Variants in ST18 observed in about 807,000 individuals in gnomAD.
ST18 encodes the protein ST18 C2H2C-type zinc finger transcription factor.
A neutral mutation model predicts 110.0 loss-of-function variants in ST18; 50 were observed. The ratio of observed to expected loss-of-function variants is 0.45; its 90% CI spans 0.36 to 0.58. ST18 has a LOEUF of 0.58. Among genes scored for constraint, ST18 ranks in the 20% least tolerant of loss-of-function variants. The pLI is 0.00. For missense variants in ST18, 1,306 were observed against 1,280.1 expected, an observed-to-expected ratio of 1.02 and a Z score of -0.31; for synonymous variants, 461 against 452.4, an observed-to-expected ratio of 1.02 and a Z score of -0.24.
chr8:52,190,963 T>C (rs1420497397), intron 8 of ST18, among the ~76,000 whole-genome samples: 1 of 152,158 alleles, frequency 6.6e-6, no homozygotes, highest in Non-Finnish European at 1.5e-5. Context: ...AAGGACAAAT[T>C]ATTGCATCTC....
Position 52,379,463 on chromosome 8 carries a change from T to C in ST18, c.-465+29865A>G, listed in dbSNP as rs117331223. Reference sequence around the variant, plus strand: ...TAACTATTTCCTATGCACCGTGAAGTACAGTTGACCTTTGAACAACACAGT... The same window carrying C: ...TAACTATTTCCTATGCACCGTGAAGCACAGTTGACCTTTGAACAACACAGT... On this transcript the variant is annotated intron_variant, in intron 2 of 25. Transcript: ENST00000689386. Among the ~76,000 whole-genome samples, 40 of 152,214 alleles carry C rather than the reference T, an allele frequency of 2.6e-4. 1 individual carries two copies. In the East Asian group the frequency reaches 6.6e-3, roughly 25 times the overall value.
rs775413941 is a variant in ST18 at position 52,133,131 on chromosome 8, G to A, written c.2370C>T (p.Ser790=). Residue 790 remains serine (S), a synonymous_variant, in exon 21 of 26, where the codon TCC becomes TCT. Transcript: ENST00000689386. ...TGNYASHRSL[S]GCPRARKGGV... ...CACCTTTCCTTGCACGAGGGCATCC[G>A]GACAAGCTGAAATAGGGACCCGACA... The A allele has an allele frequency of 2.9e-5, 46 of 1,613,930 alleles. No homozygotes were observed. The highest frequency in any genetic ancestry group is 2.5e-4 in the Admixed American group (15 of 59,984).
chr8:52,181,259 G>T (rs1231732729), intron 8 of ST18, among the ~76,000 whole-genome samples: 3 of 152,126 alleles, frequency 2.0e-5, no homozygotes, highest in Admixed American at 2.0e-4. Context: ...CAGAGTAAAA[G>T]GATATGACTT....
At chr8:52,133,205 C>T (rs369565375) in intron 20 of ST18, 34 bp downstream of exon 20, 5 of 1,614,160 alleles carry the variant, frequency 3.1e-6, no homozygotes, top group Non-Finnish European at 3.4e-6. Flanking sequence ...CCGACAAGCT[C>T]ATTTCCACAT....
rs183100768 is a variant in ST18, at chr8:52,302,361, A to G, written c.-464-72284T>C. 4.6e-5 allele frequency among the ~76,000 whole-genome samples: 7 copies of G among 152,370 alleles called. No individual in the cohort carries two copies. The East Asian group carries it at 1.3e-3, about 29-fold the overall frequency. ...TAAGTACATGGTTTTCAATAAGTAT[A>G]TAAATTGATAGATGTAGAAATAAAT... On this transcript the variant is annotated intron_variant, in intron 2 of 25. Transcript: ENST00000689386.
At chr8:52,295,569 T>C (rs1257912815) in intron 2 of ST18, among the ~76,000 whole-genome samples, 1 of 152,030 alleles carries the variant, frequency 6.6e-6, no homozygotes, top group East Asian at 1.9e-4. Context: ...AATTTCATTT[T>C]CTCTCTCTCT....
chr8:52,154,198 G>T (rs1259660326), intron 15 of ST18, among the ~76,000 whole-genome samples: 1 of 152,176 alleles, frequency 6.6e-6, no homozygotes, highest in African/African-American at 2.4e-5. Context: ...TGCTCTTAAA[G>T]TTACCAGAAA....
intron 2 of ST18, among the ~76,000 whole-genome samples, chr8:52,280,479 A>C (rs2095355416): frequency 6.6e-6 from 1 of 152,044 alleles, no homozygotes; most frequent in Non-Finnish European, 1.5e-5. Context: ...ATATGTGTAT[A>C]ATATACACCT....
chr8:52,290,260 G>A (rs1021439342), intron 2 of ST18, among the ~76,000 whole-genome samples: 8 of 152,150 alleles, frequency 5.3e-5, no homozygotes, highest in South Asian at 2.1e-4. Context: ...TCCTTGATAA[G>A]TATCCTTAGC....
intron 2 of ST18, among the ~76,000 whole-genome samples, chr8:52,350,133 G>T (rs1258596339): frequency 2.6e-5 from 4 of 152,142 alleles, no homozygotes; most frequent in Non-Finnish European, 4.4e-5. Flanking sequence ...AGCCATCCAG[G>T]TCTCCCAAGA....
intron 3 of ST18, among the ~76,000 whole-genome samples, chr8:52,222,813 A>G (rs2087449453): frequency 6.6e-6 from 1 of 152,214 alleles, no homozygotes; most frequent in South Asian, 2.1e-4. Flanking sequence ...ATGAGGGCTA[A>G]GGACTTACCA....
intron 2 of ST18, among the ~76,000 whole-genome samples, chr8:52,286,728 T>C (rs2095477272): frequency 6.6e-6 from 1 of 151,260 alleles, no homozygotes; most frequent in Admixed American, 6.6e-5. Context: ...TCATGCTCAT[T>C]GCACCAAGCC....
chr8:52,285,941 G>A (rs544777694), intron 2 of ST18, among the ~76,000 whole-genome samples: 1 of 152,258 alleles, frequency 6.6e-6, no homozygotes, highest in South Asian at 2.1e-4. Context: ...ATGTGGTCAA[G>A]CTTCTTAGTC....
intron 23 of ST18, among the ~76,000 whole-genome samples, chr8:52,124,747 C>G (rs1209644998): frequency 6.6e-6 from 1 of 152,062 alleles, no homozygotes; most frequent in Non-Finnish European, 1.5e-5. Flanking sequence ...TTCTCCTCTG[C>G]ATGTACACTC....
intron 2 of ST18, among the ~76,000 whole-genome samples, chr8:52,374,720 TC>T (rs1349472772): frequency 2.0e-5 from 3 of 152,110 alleles, no homozygotes; most frequent in Non-Finnish European, 4.4e-5. Context: ...TGTGTGTTAT[TC>T]CCCTCCCTGT....
intron 8 of ST18, among the ~76,000 whole-genome samples, chr8:52,203,583 GA>G (rs1460824140): frequency 6.6e-6 from 1 of 152,150 alleles, no homozygotes; most frequent in East Asian, 1.9e-4. Flanking sequence ...TGAGGTGTCA[GA>G]AACATTATGT....
At position 52,172,451 on chromosome 8, in the gene ST18, T is replaced by A; in HGVS notation, c.410A>T (p.Glu137Val). ...TACAGTCTGAACAGATACATTTTTT[T>A]CAAATTTCCCCAAGTGCATTAAAGA... The part of the protein sequence containing the change: ...VKSLMHLGKF[E>V]KNVSVQTVSE... Residue 137 changes from glutamate to valine, a missense_variant, in exon 10 of 26, where the codon GAA (glutamate) becomes GTA (valine). Coordinates refer to ENST00000689386, the MANE Select transcript of ST18 (RefSeq NM_001352837.2). 1.2e-6 allele frequency: 2 copies of A among 1,613,796 alleles called. No homozygotes were observed. The highest frequency in any genetic ancestry group is 1.7e-6 in the Non-Finnish European group (2 of 1,180,022).
intron 8 of ST18, among the ~76,000 whole-genome samples, chr8:52,203,568 A>T (rs1323897648): frequency 6.6e-6 from 1 of 152,038 alleles, no homozygotes; most frequent in Non-Finnish European, 1.5e-5. Context: ...CAGGAAAAAA[A>T]TTTATGAGGT....
Position 52,134,614 on chromosome 8 carries a change from T to C in ST18, c.2301-1313A>G, listed in dbSNP as rs937521698. 2.0e-5 allele frequency among the ~76,000 whole-genome samples: 3 copies of C among 152,212 alleles called. No homozygotes were observed. In the East Asian group the frequency reaches 5.8e-4, roughly 29 times the overall value. On this transcript the variant is annotated intron_variant, in intron 19 of 25. Coordinates refer to ENST00000689386, the MANE Select transcript of ST18 (RefSeq NM_001352837.2). ...ATAGGGAACAAATTGCCTTTTTTTT[T>C]TCTTTTTTCAAATGTAATATAAAAT...
Sources: gnomAD v4.1 joint callset for allele counts (sites outside exome capture counted in the v4.1 genomes callset) on GRCh38, gnomAD v4.1.1 for gene constraint, MANE v1.5 for transcripts, NCBI Gene and HGNC (gene_info 2026-07-23, HGNC 2026-07-21) for gene names.